The following SNTB2 variants were observed in gnomAD, a reference collection of about 807,000 sequenced individuals.
The protein encoded by SNTB2 is syntrophin beta 2, also known as beta-2-syntrophin.
In SNTB2, 34 loss-of-function variants were observed where a neutral mutation model predicts 46.2. The ratio of observed to expected loss-of-function variants is 0.74; its 90% CI spans 0.56 to 0.98. The LOEUF (loss-of-function observed/expected upper bound fraction) is 0.98, where lower values mean the gene tolerates loss of function less well. Ranked by LOEUF, SNTB2 falls within the 50% of genes least tolerant of loss-of-function variation. SNTB2 has a pLI of 0.00. For synonymous variants in SNTB2, 290 were observed against 312.6 expected, an observed-to-expected ratio of 0.93 and a Z score of 0.76; for missense variants, 603 against 731.4, an observed-to-expected ratio of 0.82 and a Z score of 2.02.
At chr16:69,224,277 T>A (rs1964437071) in intron 1 of SNTB2, among the ~76,000 whole-genome samples, 1 of 146,562 alleles carries the variant, frequency 6.8e-6, no homozygotes, top group South Asian at 2.1e-4. Flanking sequence ...AGTGGTGCGA[T>A]CTTGGCTCAC....
At chr16:69,265,354 A>G (rs1964874200) in intron 3 of SNTB2, among the ~76,000 whole-genome samples, 1 of 152,204 alleles carries the variant, frequency 6.6e-6, no homozygotes, top group Non-Finnish European at 1.5e-5. Flanking sequence ...AGGACCATAT[A>G]CATTCAATTG....
intron 2 of SNTB2, among the ~76,000 whole-genome samples, chr16:69,256,955 A>C (rs1964782641): frequency 6.6e-6 from 1 of 152,192 alleles, no homozygotes; most frequent in Non-Finnish European, 1.5e-5. Context: ...GGATCACTTG[A>C]GGTCAGGAGT....
At chr16:69,224,987 AG>A (rs1964445386) in intron 1 of SNTB2, among the ~76,000 whole-genome samples, 1 of 152,220 alleles carries the variant, frequency 6.6e-6, no homozygotes, top group Non-Finnish European at 1.5e-5. Context: ...AGTTTACTAC[AG>A]TGGAATTCAT....
chr16:69,272,883 C>CT, intron 4 of SNTB2, among the ~76,000 whole-genome samples: 1 of 116,174 alleles, frequency 8.6e-6, no homozygotes, highest in African/African-American at 3.8e-5. Flanking sequence ...GAGCCAGACT[C>CT]TGTCTCAAAA....
Position 69,303,320 on chromosome 16 carries a change from G to T in SNTB2, c.*2396G>T, listed in dbSNP as rs1484710197. On this transcript the variant is annotated 3_prime_UTR_variant, in exon 7 of 7. Coordinates refer to ENST00000336278, the MANE Select transcript of SNTB2 (RefSeq NM_006750.4). Reference sequence around the variant, plus strand: ...TTATTAATATGAGATGTTGAATGATGCCTTTACAGACTTCAGCAGCAAAGC... The same window carrying T: ...TTATTAATATGAGATGTTGAATGATTCCTTTACAGACTTCAGCAGCAAAGC... 6.6e-6 allele frequency: 1 copy of T among 152,190 alleles called. No homozygotes were observed. Among genetic ancestry groups the T allele is most frequent in the East Asian group, 1.9e-4 (1 of 5,196 alleles). 9.4% of individuals were successfully genotyped at this position (152,190 alleles called of 1,614,324 possible).
At chr16:69,215,736 C>T (rs181028152) in intron 1 of SNTB2, among the ~76,000 whole-genome samples, 2 of 152,094 alleles carry the variant, frequency 1.3e-5, no homozygotes, top group African/African-American at 2.4e-5. Flanking sequence ...TTGCTTTATG[C>T]GCTTTATCTC....
At chr16:69,205,631 T>C (rs1278229489) in intron 1 of SNTB2, among the ~76,000 whole-genome samples, 1 of 152,150 alleles carries the variant, frequency 6.6e-6, no homozygotes, top group Non-Finnish European at 1.5e-5. Flanking sequence ...TCCTGTTTAG[T>C]GGGCATGACA....
intron 1 of SNTB2, among the ~76,000 whole-genome samples, chr16:69,201,425 G>A (rs1485031858): frequency 6.6e-6 from 1 of 152,088 alleles, no homozygotes; most frequent in East Asian, 1.9e-4. Flanking sequence ...TGCTGAATAG[G>A]AAAAAACATA....
rs558617660 is a variant in SNTB2, at chr16:69,193,613, G to A, written c.580+5867G>A. ...CAAAGTGCTGGGATTACAGGTGTGA[G>A]CCACCATGTCCAGCCCAGACTTATT... On this transcript the variant is annotated intron_variant, in intron 1 of 6. Coordinates refer to ENST00000336278, the MANE Select transcript of SNTB2 (RefSeq NM_006750.4). 1.1e-4 allele frequency among the ~76,000 whole-genome samples: 17 copies of A among 152,230 alleles called. No individual in the cohort carries two copies. The South Asian group carries it at 3.5e-3, about 32-fold the overall frequency.
In SNTB2 at chr16:69,297,344, G is replaced by A. The variant is rs553678486; in HGVS notation, c.1346-2246G>A. Among the ~76,000 whole-genome samples the A allele has an allele frequency of 4.8e-4, 70 of 147,076 alleles. No individual in the cohort carries two copies. In the South Asian group the frequency reaches 0.015, roughly 31 times the overall value. ...AAAAAAAAAAAAAAAAGGAGGCCGG[G>A]CACGGTGGCTCATGCCTATAATCCC... On this transcript the variant is annotated intron_variant, in intron 5 of 6. Coordinates refer to ENST00000336278, the MANE Select transcript of SNTB2 (RefSeq NM_006750.4).
At chr16:69,220,998 ATTGTT>A in intron 1 of SNTB2, among the ~76,000 whole-genome samples, 1 of 152,186 alleles carries the variant, frequency 6.6e-6, no homozygotes, top group Admixed American at 6.6e-5. Context: ...TTCTGCCTTT[ATTGTT>A]TTGCCTTTTC....
chr16:69,213,458 T>G (rs867231745), intron 1 of SNTB2, among the ~76,000 whole-genome samples: 1 of 152,198 alleles, frequency 6.6e-6, no homozygotes, highest in African/African-American at 2.4e-5. Context: ...TTTGAAAAAA[T>G]TTTTCATTCT....
intron 3 of SNTB2, among the ~76,000 whole-genome samples, chr16:69,268,652 C>T (rs538954749): frequency 1.3e-5 from 2 of 151,606 alleles, no homozygotes; most frequent in Admixed American, 6.6e-5. Context: ...ATTGCCTGAG[C>T]CCAGGAGTTC....
At position 69,302,669 on chromosome 16, in the gene SNTB2, T is replaced by C. The variant is rs1453148209; in HGVS notation, c.*1745T>C. On this transcript the variant is annotated 3_prime_UTR_variant, in exon 7 of 7. Transcript: ENST00000336278. ...TCCTTCACCCATAAGTCAGTCCTCC[T>C]TCCTCATTACAGTGAAACCAACAAT... 1 of 152,238 alleles carries C rather than the reference T, an allele frequency of 6.6e-6. No homozygotes were observed. Among genetic ancestry groups the C allele is most frequent in the Non-Finnish European group, 1.5e-5 (1 of 68,052 alleles). 9.4% of individuals were successfully genotyped at this position (152,238 alleles called of 1,614,324 possible).
At chr16:69,209,096 T>C (rs1964253519) in intron 1 of SNTB2, among the ~76,000 whole-genome samples, 1 of 151,962 alleles carries the variant, frequency 6.6e-6, no homozygotes, top group African/African-American at 2.4e-5. Flanking sequence ...TCCTGCCTCC[T>C]GAGTAGCTGA....
intron 5 of SNTB2, among the ~76,000 whole-genome samples, chr16:69,294,845 C>T (rs1470438672): frequency 2.7e-5 from 4 of 149,610 alleles, no homozygotes; most frequent in South Asian, 2.2e-4. Context: ...CTCTGTCACT[C>T]GGGCTGGAGG....
At position 69,280,534 on chromosome 16, in the gene SNTB2, G is replaced by C. The variant is rs1223341178; in HGVS notation, c.1149-3514G>C. 8.8e-5 allele frequency among the ~76,000 whole-genome samples: 12 copies of C among 137,074 alleles called. No individual in the cohort carries two copies. In the Middle Eastern group the frequency reaches 0.012, roughly 135 times the overall value. 89.9% of individuals were successfully genotyped at this position (137,074 alleles called of 152,430 possible). On this transcript the variant is annotated intron_variant, in intron 4 of 6. Coordinates refer to ENST00000336278, the MANE Select transcript of SNTB2 (RefSeq NM_006750.4). ...TCCCGGATGGGGCGGCTGGCCGGGC[G>C]GGGGGCTCACACCCCCACCTCCCTC...
At chr16:69,208,505 T>C (rs1223788996) in intron 1 of SNTB2, among the ~76,000 whole-genome samples, 2 of 152,212 alleles carry the variant, frequency 1.3e-5, no homozygotes, top group Non-Finnish European at 2.9e-5. Context: ...CCATTTGCTG[T>C]GTATACCTGT....
intron 5 of SNTB2, among the ~76,000 whole-genome samples, chr16:69,284,690 C>G (rs1965084952): frequency 1.3e-5 from 2 of 152,064 alleles, no homozygotes; most frequent in South Asian, 4.1e-4. Flanking sequence ...AGGAGAATTG[C>G]TTGAACTCGG....
Sources: gnomAD v4.1 joint callset for allele counts (sites outside exome capture counted in the v4.1 genomes callset) on GRCh38, gnomAD v4.1.1 for gene constraint, MANE v1.5 for transcripts, NCBI Gene and HGNC (gene_info 2026-07-23, HGNC 2026-07-21) for gene names.